HESX1: variants seen among roughly 807,000 people sequenced by gnomAD.
HESX1 encodes homeobox expressed in ES cells 1.
HESX1 carries 11 observed loss-of-function variants against 22.5 expected under a neutral mutation model. The ratio of observed to expected loss-of-function variants is 0.49; its 90% CI spans 0.31 to 0.81. HESX1 has a LOEUF of 0.81. Ranked by LOEUF, HESX1 falls within the 30% of genes least tolerant of loss-of-function variation. The pLI is 0.05. For synonymous variants in HESX1, 74 were observed against 76.5 expected (o/e 0.97, Z 0.17); for missense variants, 201 against 212.6 (o/e 0.95, Z 0.34).
chr3:57,225,391 G>A (rs1199748366), intron 1 of HESX1, among the ~76,000 whole-genome samples: 3 of 151,850 alleles, frequency 2.0e-5, no homozygotes, highest in Admixed American at 2.0e-4. Context: ...TCGCTCTGTC[G>A]CCCAGGCTGG....
At chr3:57,199,018 G>T in intron 1 of HESX1, 66 bp from the exon 2 acceptor site, 1 of 1,404,740 alleles carries the variant, frequency 7.1e-7, no homozygotes, top group Non-Finnish European at 1.0e-6. Context: ...TTCTATAGAG[G>T]TAGTTTCAGG....
intron 1 of HESX1, among the ~76,000 whole-genome samples, chr3:57,220,362 C>G (rs2060609134): frequency 6.6e-6 from 1 of 152,150 alleles, no homozygotes; most frequent in Non-Finnish European, 1.5e-5. Flanking sequence ...AGTCTTTTCC[C>G]TTTAAATCAA....
At chr3:57,218,750 C>T (rs1047207997) in intron 1 of HESX1, among the ~76,000 whole-genome samples, 4 of 152,080 alleles carry the variant, frequency 2.6e-5, no homozygotes, top group African/African-American at 4.8e-5. Flanking sequence ...GCCAATCTTA[C>T]TCTTTTTTAT....
At chr3:57,201,902 T>TCTAC (rs2060490820), upstream of HESX1, among the ~76,000 whole-genome samples, 1 of 151,762 alleles carries the variant, frequency 6.6e-6, no homozygotes, top group Non-Finnish European at 1.5e-5. Context: ...TATCTATCTA[T>TCTAC]CTATCTATCT....
chr3:57,224,096 G>A lies in HESX1; in HGVS notation c.-111+2200C>T, dbSNP rs906343821. Among the ~76,000 whole-genome samples, 5 of 152,054 alleles carry A rather than the reference G, an allele frequency of 3.3e-5. No homozygotes were observed. The South Asian group carries it at 6.2e-4, about 19-fold the overall frequency. On this transcript the variant is annotated intron_variant, in intron 1 of 2. Transcript: ENST00000495160. ...CAACCTCCGCCTCCCAAGTTCAAGC[G>A]ATTCTCCTGCCTCAGCCTCCCGAGT...
At chr3:57,204,852 C>T (rs367844087), upstream of HESX1, among the ~76,000 whole-genome samples, 5 of 151,546 alleles carry the variant, frequency 3.3e-5, no homozygotes, top group East Asian at 9.7e-4. Context: ...AGAAGGGTCT[C>T]AGGACTGAGT....
At chr3:57,202,144 A>C (rs1046978672), upstream of HESX1, among the ~76,000 whole-genome samples, 1 of 151,588 alleles carries the variant, frequency 6.6e-6, no homozygotes, top group Non-Finnish European at 1.5e-5. Flanking sequence ...TGGTCTCGAT[A>C]TCCTGACCTC....
chr3:57,214,524 T>G (rs1262285578), intron 1 of HESX1, among the ~76,000 whole-genome samples: 2 of 152,218 alleles, frequency 1.3e-5, no homozygotes, highest in Non-Finnish European at 2.9e-5. Flanking sequence ...TTTGAGCATA[T>G]AACTTAGCCT....
upstream of HESX1, among the ~76,000 whole-genome samples, chr3:57,202,263 A>G (rs922944327): frequency 5.3e-5 from 8 of 152,158 alleles, no homozygotes; most frequent in Non-Finnish European, 1.0e-4. Flanking sequence ...AGTTGAAAAT[A>G]AAAGGCAGGA....
chr3:57,199,814 A>G lies in HESX1; in HGVS notation c.105T>C (p.Cys35=), dbSNP rs372686744. 1.2e-6 allele frequency: 2 copies of G among 1,614,060 alleles called. No homozygotes were observed. The highest frequency in any genetic ancestry group is 1.7e-6 in the Non-Finnish European group (2 of 1,179,938). Residue 35 remains cysteine, a synonymous_variant, in exon 1 of 4, where the codon TGT becomes TGC. Coordinates refer to ENST00000295934, the MANE Select transcript of HESX1 (RefSeq NM_003865.3). ...GCCTGTGGGGTTTCATTAATGGAACACAGTCTTTCTTCTGGTCCAGTCCTA... is the reference window on the plus strand; with the variant it reads ...GCCTGTGGGGTTTCATTAATGGAACGCAGTCTTTCTTCTGGTCCAGTCCTA... ...RILGLDQKKD[C]VPLMKPHRPW...
chr3:57,216,094 A>G (rs774672341), intron 1 of HESX1, among the ~76,000 whole-genome samples: 4 of 152,212 alleles, frequency 2.6e-5, no homozygotes, highest in African/African-American at 4.8e-5. Flanking sequence ...AACATTGGTT[A>G]TATCACTACC....
chr3:57,198,907 C>A lies in HESX1; in HGVS notation c.203G>T (p.Gly68Val). ...LCLHVPNPPSGISFPSVVDHP... is the reference protein window; with the variant it reads ...LCLHVPNPPSVISFPSVVDHP... ...ATCCACCACGCTAGGGAATGAAATC[C>A]CACTGGGAGGATTTGGGACATGTAG... Residue 68 changes from glycine (G) to valine (V), a missense_variant, in exon 2 of 4, where the codon GGG becomes GTG. Physicochemically the swap from Gly to Val is moderately radical, Grantham distance 109. Transcript: ENST00000295934. The A allele has an allele frequency of 6.2e-7, 1 of 1,614,060 alleles. No individual in the cohort carries two copies. The highest frequency in any genetic ancestry group is 2.2e-5 in the East Asian group (1 of 44,866).
At position 57,199,926 on chromosome 3, in the gene HESX1, TG is replaced by T. The variant is rs749736459; in HGVS notation, c.-9del. The T allele has an allele frequency of 8.7e-6, 14 of 1,613,482 alleles. No homozygotes were observed. In the South Asian group the frequency reaches 1.5e-4, roughly 18 times the overall value. On this transcript the variant is annotated 5_prime_UTR_variant, in exon 1 of 4. Coordinates refer to ENST00000295934, the MANE Select transcript of HESX1 (RefSeq NM_003865.3). Reference sequence around the variant, plus strand: ...CTGAAGGCTGGGAGACATCCTCTCGTGGTCTGCACAGAGCAACAGCTCTGGC... The same window carrying T: ...CTGAAGGCTGGGAGACATCCTCTCGTGTCTGCACAGAGCAACAGCTCTGGC...
intron 1 of HESX1, among the ~76,000 whole-genome samples, chr3:57,199,464 C>T (rs1444438927): frequency 6.6e-6 from 1 of 151,670 alleles, no homozygotes; most frequent in East Asian, 1.9e-4. Flanking sequence ...CTAAAAAATA[C>T]AAAAATTAGC....
At chr3:57,211,111 G>A (rs542870743) in intron 1 of HESX1, among the ~76,000 whole-genome samples, 2 of 151,808 alleles carry the variant, frequency 1.3e-5, no homozygotes, top group Non-Finnish European at 2.9e-5. Flanking sequence ...CCAGCTACTA[G>A]GGAGGCTGAG....
intron 1 of HESX1, among the ~76,000 whole-genome samples, chr3:57,217,097 A>G (rs2060586694): frequency 6.6e-6 from 1 of 152,118 alleles, no homozygotes; most frequent in Non-Finnish European, 1.5e-5. Flanking sequence ...TTCTTGTTCC[A>G]GGGACTTAGG....
At chr3:57,210,106 T>G (rs1217985912) in intron 1 of HESX1, among the ~76,000 whole-genome samples, 2 of 152,166 alleles carry the variant, frequency 1.3e-5, no homozygotes, top group Non-Finnish European at 2.9e-5. Context: ...ACTAATCAAT[T>G]AAGAAAAAAA....
chr3:57,209,265 C>G (rs1453831506), intron 1 of HESX1, among the ~76,000 whole-genome samples: 1 of 152,140 alleles, frequency 6.6e-6, no homozygotes, highest in Non-Finnish European at 1.5e-5. Flanking sequence ...CGGCTCCAAA[C>G]AGAATAACAC....
chr3:57,219,616 C>T (rs2060603368), intron 1 of HESX1, among the ~76,000 whole-genome samples: 1 of 152,160 alleles, frequency 6.6e-6, no homozygotes, highest in Admixed American at 6.5e-5. Context: ...ATCCACCCAC[C>T]TCAGCCTCCC....
Sources: gnomAD v4.1 joint callset for allele counts (sites outside exome capture counted in the v4.1 genomes callset) on GRCh38, gnomAD v4.1.1 for gene constraint, MANE v1.5 for transcripts, NCBI Gene and HGNC (gene_info 2026-07-23, HGNC 2026-07-21) for gene names.